Variants in P3H2 observed in about 807,000 individuals in gnomAD.
The protein encoded by P3H2 is leprecan-like 1.
A neutral mutation model predicts 87.0 loss-of-function variants in P3H2; 80 were observed. The ratio of observed to expected loss-of-function variants is 0.92; its 90% CI spans 0.77 to 1.11. The LOEUF (loss-of-function observed/expected upper bound fraction) is 1.11. Ranked by LOEUF, P3H2 falls within the 50% of genes least tolerant of loss-of-function variation. The pLI is 0.00. For synonymous variants in P3H2, 367 were observed against 359.3 expected (o/e 1.02, Z -0.24); for missense variants, 1,001 against 923.9 (o/e 1.08, Z -1.08).
intron 1 of P3H2, among the ~76,000 whole-genome samples, chr3:190,093,552 T>C (rs1727481739): frequency 6.6e-6 from 1 of 152,178 alleles, no homozygotes; most frequent in South Asian, 2.1e-4. Flanking sequence ...CAGGCATTGG[T>C]AGCTGGAGAG....
At chr3:189,988,431 T>TACAC (rs1212292494) in intron 4 of P3H2, among the ~76,000 whole-genome samples, 1 of 151,566 alleles carries the variant, frequency 6.6e-6, no homozygotes, top group African/African-American at 2.4e-5. Flanking sequence ...AATAAATACA[T>TACAC]ACACACACAC....
rs112000127 is a variant in P3H2 at position 190,107,373 on chromosome 3, C to T, written c.480+12879G>A. 4.5e-3 allele frequency among the ~76,000 whole-genome samples: 692 copies of T among 152,220 alleles called. 4 individuals are homozygous for T. The highest frequency in any genetic ancestry group is 0.015 in the African/African-American group (620 of 41,552). On this transcript the variant is annotated intron_variant, in intron 1 of 14. Coordinates refer to ENST00000319332, the MANE Select transcript of P3H2 (RefSeq NM_018192.4). ...TGAATAGAAGATTTTCTTCTTGTTGCGCTTTCATAGCATTTTTGTGTGAAT... is the reference window on the plus strand; with the variant it reads ...TGAATAGAAGATTTTCTTCTTGTTGTGCTTTCATAGCATTTTTGTGTGAAT...
chr3:189,969,547 G>A (rs940152552), intron 13 of P3H2: 11 of 1,247,526 alleles, frequency 8.8e-6, no homozygotes, highest in Middle Eastern at 1.9e-4. Flanking sequence ...TGACAATATC[G>A]CCAGGTTGAA....
At chr3:190,113,866 G>A (rs1213332013) in intron 1 of P3H2, among the ~76,000 whole-genome samples, 6 of 151,854 alleles carry the variant, frequency 4.0e-5, no homozygotes, top group Non-Finnish European at 7.4e-5. Context: ...TCACGAGGTC[G>A]GGAGTTCGAG....
upstream of P3H2, chr3:190,121,029 T>A (rs1304334422): frequency 7.2e-6 from 3 of 416,460 alleles, no homozygotes; most frequent in Admixed American, 4.7e-5. Flanking sequence ...GGCGGCACAC[T>A]CCAGCGCCAG....
At position 189,964,075 on chromosome 3, in the gene P3H2, C is replaced by T. The variant is rs779735268; in HGVS notation, c.1917G>A (p.Gly639=). Residue 639 remains glycine, a synonymous_variant, in exon 14 of 15, where the codon GGG becomes GGA. Transcript: ENST00000319332. ...TVTASIKPKC[G]RMISFSSGGE... ...CTCCAGATGAGAAGCTGATCATGCG[C>T]CCACATTTTGGTTTTATAGAGGCCT... The T allele has an allele frequency of 5.6e-6, 9 of 1,614,124 alleles. No individual in the cohort carries two copies. The East Asian group carries it at 1.1e-4, about 20-fold the overall frequency.
chr3:190,087,508 C>T (rs574739368), intron 1 of P3H2, among the ~76,000 whole-genome samples: 20 of 142,332 alleles, frequency 1.4e-4, no homozygotes, highest in Middle Eastern at 4.1e-3. Flanking sequence ...CACACCACTG[C>T]ACTCCAGCCT....
intron 1 of P3H2, among the ~76,000 whole-genome samples, chr3:190,043,889 T>G (rs765552834): frequency 6.6e-6 from 1 of 152,188 alleles, no homozygotes; most frequent in Non-Finnish European, 1.5e-5. Context: ...CTAGCAAATC[T>G]GCCTTAAAAT....
chr3:190,084,145 C>G (rs1522936), intron 1 of P3H2, among the ~76,000 whole-genome samples: 103,276 of 152,074 alleles, frequency 0.68, 36,856 homozygotes, highest in African/African-American at 0.92. Context: ...ATCTACACAT[C>G]AAGTTAGGAC....
intron 1 of P3H2, among the ~76,000 whole-genome samples, chr3:190,026,782 T>C (rs1725098946): frequency 6.6e-6 from 1 of 152,154 alleles, no homozygotes; most frequent in African/African-American, 2.4e-5. Flanking sequence ...TCTGGTAACA[T>C]AAAGATTAAA....
At chr3:189,977,068 C>T (rs912427720) in intron 8 of P3H2, among the ~76,000 whole-genome samples, 2 of 152,142 alleles carry the variant, frequency 1.3e-5, no homozygotes, top group Non-Finnish European at 1.5e-5. Context: ...ACAATTCTCT[C>T]CCTCCCCGAC....
chr3:190,113,944 G>A (rs920840137), intron 1 of P3H2, among the ~76,000 whole-genome samples: 1 of 151,144 alleles, frequency 6.6e-6, no homozygotes, highest in African/African-American at 2.4e-5. Context: ...GCCGGGCGTG[G>A]AGGCGGGCGC....
rs1249849133 is a variant in P3H2 at position 190,099,996 on chromosome 3, G to A, written c.480+20256C>T. 2.6e-5 allele frequency among the ~76,000 whole-genome samples: 4 copies of A among 152,196 alleles called. No homozygotes were observed. In the South Asian group the frequency reaches 8.3e-4, roughly 32 times the overall value. On this transcript the variant is annotated intron_variant, in intron 1 of 14. Transcript: ENST00000319332. Reference sequence around the variant, plus strand: ...TGCCTGTAATCCCAGCACTCTGGGAGGCCGAGGTGGGTGGATAACCTGAGG... The same window carrying A: ...TGCCTGTAATCCCAGCACTCTGGGAAGCCGAGGTGGGTGGATAACCTGAGG...
intron 1 of P3H2, among the ~76,000 whole-genome samples, chr3:190,099,874 G>A (rs1289347892): frequency 6.6e-6 from 1 of 152,148 alleles, no homozygotes; most frequent in African/African-American, 2.4e-5. Flanking sequence ...AAGAGGTACT[G>A]AGGCTAATTG....
At chr3:190,081,938 G>A (rs1173576215) in intron 1 of P3H2, among the ~76,000 whole-genome samples, 4 of 152,114 alleles carry the variant, frequency 2.6e-5, no homozygotes, top group Non-Finnish European at 5.9e-5. Flanking sequence ...AGCTGTACAT[G>A]CTAAACATGG....
rs1205010375 is a variant in P3H2, at chr3:189,957,303, T to G, written c.*609A>C. ...TCATGGCCGTTAGCACCTAAGGATG[T>G]GGCTGAAAGGCACAGAGCAAGAAAG... On this transcript the variant is annotated 3_prime_UTR_variant, in exon 15 of 15. Coordinates refer to ENST00000319332, the MANE Select transcript of P3H2 (RefSeq NM_018192.4). 7.5e-6 allele frequency: 3 copies of G among 399,830 alleles called. No individual in the cohort carries two copies. The East Asian group carries it at 1.1e-4, about 14-fold the overall frequency. The allele number at this position is 399,830 out of a possible 1,614,324, so 24.8% of individuals were successfully genotyped here. A position where few individuals can be genotyped will look rare whatever the true frequency, so the allele number is the denominator to read the frequency against.
At chr3:190,039,276 C>A (rs1430003758) in intron 1 of P3H2, among the ~76,000 whole-genome samples, 3 of 151,846 alleles carry the variant, frequency 2.0e-5, no homozygotes, top group African/African-American at 7.3e-5. Context: ...CTAATAGTAA[C>A]AGAATCCCCC....
At chr3:190,046,285 A>T (rs1022623458) in intron 1 of P3H2, among the ~76,000 whole-genome samples, 1 of 152,178 alleles carries the variant, frequency 6.6e-6, no homozygotes, top group African/African-American at 2.4e-5. Flanking sequence ...CCTGACTTAC[A>T]CAAGATATCA....
chr3:190,089,233 C>G (rs528397796), intron 1 of P3H2, among the ~76,000 whole-genome samples: 2,468 of 151,702 alleles, frequency 0.016, 72 homozygotes, highest in African/African-American at 0.057. Flanking sequence ...GCGGGGGAAG[C>G]GGGGAGGGAT....
Sources: gnomAD v4.1 joint callset for allele counts (sites outside exome capture counted in the v4.1 genomes callset) on GRCh38, gnomAD v4.1.1 for gene constraint, MANE v1.5 for transcripts, NCBI Gene and HGNC (gene_info 2026-07-23, HGNC 2026-07-21) for gene names.